Variants in ETV6 observed in about 807,000 individuals in gnomAD.
ETV6 encodes ETS variant transcription factor 6.
In ETV6, 16 loss-of-function variants were observed where a neutral mutation model predicts 51.1. The observed-to-expected ratio is 0.31, with a 90% CI of 0.21 to 0.48. ETV6 has a LOEUF of 0.48. ETV6 is among the 20% of genes least tolerant of loss of function. The pLI, the probability that ETV6 is intolerant of heterozygous loss-of-function variation, is 0.99. For synonymous variants in ETV6, 240 were observed against 224.1 expected, an observed-to-expected ratio of 1.07 and a Z score of -0.64; for missense variants, 458 against 594.8, an observed-to-expected ratio of 0.77 and a Z score of 2.39.
intron 1 of ETV6, among the ~76,000 whole-genome samples, chr12:11,726,098 C>T (rs1865483588): frequency 6.6e-6 from 1 of 152,200 alleles, no homozygotes; most frequent in Non-Finnish European, 1.5e-5. Context: ...CACAGTGCCT[C>T]TTATATTTGG....
chr12:11,786,166 A>C (rs896072929), intron 2 of ETV6, among the ~76,000 whole-genome samples: 3 of 152,240 alleles, frequency 2.0e-5, no homozygotes, highest in Admixed American at 2.0e-4. Context: ...GGCCTTATGC[A>C]TTGACCATCA....
In ETV6 at chr12:11,859,180, C is replaced by T. The variant is rs532516694; in HGVS notation, c.463+5619C>T. 6.3e-4 allele frequency among the ~76,000 whole-genome samples: 71 copies of T among 112,628 alleles called. 2 individuals are homozygous for T. Among genetic ancestry groups the T allele is most frequent in the African/African-American group, 1.8e-3 (52 of 28,922 alleles). The allele number at this position is 112,628 out of a possible 152,430, so 73.9% of individuals were successfully genotyped here. A position where few individuals can be genotyped will look rare whatever the true frequency, so the allele number is the denominator to read the frequency against. ...TTTTTGAGAAGGAGTCTTGCTCTGT[C>T]GCCCAGGCTGGAGTGCAGTGGTGCG... On this transcript the variant is annotated intron_variant, in intron 4 of 7. Transcript: ENST00000396373.
chr12:11,751,797 A>G (rs769390585), intron 1 of ETV6: 115 of 491,560 alleles, frequency 2.3e-4, no homozygotes, highest in South Asian at 1.7e-3. Flanking sequence ...GGAGAGTAAA[A>G]GAACAAGGAG....
intron 2 of ETV6, among the ~76,000 whole-genome samples, chr12:11,776,008 C>T (rs1945318589): frequency 6.6e-6 from 1 of 152,202 alleles, no homozygotes; most frequent in Admixed American, 6.5e-5. Context: ...ACCACAGTGC[C>T]AGGCATCAAG....
chr12:11,888,383 C>G (rs1279929310), intron 7 of ETV6, among the ~76,000 whole-genome samples: 1 of 116,058 alleles, frequency 8.6e-6, no homozygotes, highest in African/African-American at 3.3e-5. Context: ...TTTGCTTTTT[C>G]TTTTCTTTTC....
intron 1 of ETV6, chr12:11,750,924 A>G (rs1866013835): frequency 6.4e-6 from 3 of 467,394 alleles, no homozygotes; most frequent in Middle Eastern, 3.5e-4. Context: ...AGTGCAGTTG[A>G]AAGTTTTGCC....
Position 11,865,879 on chromosome 12 carries a change from G to A in ETV6, c.464-3545G>A, listed in dbSNP as rs144133957. The stretch of plus-strand genomic sequence containing the variant: ...TTTTTATTTTACATATCTTACTTGA[G>A]ATTCTTGGACCTTCGAATTTACTGT... On this transcript the variant is annotated intron_variant, in intron 4 of 7. Transcript: ENST00000396373. Among the ~76,000 whole-genome samples the A allele has an allele frequency of 2.0e-3, 309 of 151,932 alleles. 1 individual carries two copies. The highest frequency in any genetic ancestry group is 5.8e-3 in the Admixed American group (89 of 15,266).
At chr12:11,697,055 T>G (rs1864891039) in intron 1 of ETV6, among the ~76,000 whole-genome samples, 1 of 152,194 alleles carries the variant, frequency 6.6e-6, no homozygotes, top group Admixed American at 6.5e-5. Flanking sequence ...ATGAATAGAT[T>G]TCCTTCCTGT....
chr12:11,751,033 G>T (rs1270910204), intron 1 of ETV6, among the ~76,000 whole-genome samples: 1 of 151,988 alleles, frequency 6.6e-6, no homozygotes, highest in East Asian at 1.9e-4. Flanking sequence ...GAAACCTCAG[G>T]ATGTATGTTT....
chr12:11,797,038 C>T (rs1945689514), intron 2 of ETV6, among the ~76,000 whole-genome samples: 1 of 152,154 alleles, frequency 6.6e-6, no homozygotes, highest in Non-Finnish European at 1.5e-5. Flanking sequence ...AGCTTTATCT[C>T]CTTGTCGAGA....
At chr12:11,688,858 G>T (rs534204346) in intron 1 of ETV6, among the ~76,000 whole-genome samples, 2 of 152,198 alleles carry the variant, frequency 1.3e-5, no homozygotes, top group Admixed American at 6.5e-5. Context: ...GGTTAGAGGA[G>T]TTACCACAGT....
intron 1 of ETV6, among the ~76,000 whole-genome samples, chr12:11,689,941 T>C (rs577038920): frequency 6.6e-6 from 1 of 151,988 alleles, no homozygotes; most frequent in African/African-American, 2.4e-5. Context: ...ATAGAACTGA[T>C]GGATTTTCGT....
chr12:11,736,572 A>G (rs1865706009), intron 1 of ETV6, among the ~76,000 whole-genome samples: 1 of 152,252 alleles, frequency 6.6e-6, no homozygotes. Context: ...GCTTTTTTGG[A>G]ATAAGTATAA....
intron 5 of ETV6, among the ~76,000 whole-genome samples, chr12:11,882,147 GAAGA>G (rs1947107309): frequency 6.6e-6 from 1 of 152,166 alleles, no homozygotes. Flanking sequence ...AGATAATACA[GAAGA>G]AAGGATTCCA....
At chr12:11,858,559 A>G (rs539073309) in intron 4 of ETV6, among the ~76,000 whole-genome samples, 1 of 152,292 alleles carries the variant, frequency 6.6e-6, no homozygotes, top group East Asian at 1.9e-4. Flanking sequence ...CTGGATATGC[A>G]GTCTGTAGGG....
At chr12:11,852,633 A>G (rs1191130460) in intron 3 of ETV6, among the ~76,000 whole-genome samples, 1 of 152,196 alleles carries the variant, frequency 6.6e-6, no homozygotes, top group Non-Finnish European at 1.5e-5. Context: ...AGATAGATGT[A>G]AAAAGAACAT....
intron 1 of ETV6, among the ~76,000 whole-genome samples, chr12:11,710,017 C>T (rs974559667): frequency 6.6e-6 from 1 of 152,160 alleles, no homozygotes; most frequent in South Asian, 2.1e-4. Context: ...CTGTATGCCA[C>T]GTAGGTAGCA....
At chr12:11,810,194 C>T (rs1945892995) in intron 2 of ETV6, among the ~76,000 whole-genome samples, 1 of 152,114 alleles carries the variant, frequency 6.6e-6, no homozygotes, top group South Asian at 2.1e-4. Flanking sequence ...CACTTTTCTC[C>T]TAATCCCTGT....
chr12:11,746,790 CTTTTTT>C (rs56135545), intron 1 of ETV6, among the ~76,000 whole-genome samples: 16 of 118,632 alleles, frequency 1.3e-4, no homozygotes, highest in South Asian at 2.8e-4. Context: ...CTCTCTCTCT[CTTTTTT>C]TTTTTTTTTT....
Sources: allele counts gnomAD v4.1 joint callset (sites outside exome capture counted in the v4.1 genomes callset), GRCh38; gene constraint gnomAD v4.1.1; transcripts MANE v1.5; gene names NCBI Gene and HGNC (gene_info 2026-07-23, HGNC 2026-07-21).